Variants in PLA2G4A observed in about 807,000 individuals in gnomAD.
PLA2G4A encodes phospholipase A2 group IVA.
In PLA2G4A, 40 loss-of-function variants were observed where a neutral mutation model predicts 81.9. The ratio of observed to expected loss-of-function variants is 0.49; its 90% CI spans 0.38 to 0.64. The LOEUF (loss-of-function observed/expected upper bound fraction) is 0.64, where lower values mean the gene tolerates loss of function less well. Among genes scored for constraint, PLA2G4A ranks in the 30% least tolerant of loss-of-function variants. PLA2G4A has a pLI of 0.00. For missense variants in PLA2G4A, 715 were observed against 905.1 expected (o/e 0.79, Z 2.69); for synonymous variants, 302 against 296.9 (o/e 1.02, Z -0.18).
chr1:186,974,062 G>A (rs1302121819), intron 15 of PLA2G4A, among the ~76,000 whole-genome samples: 1 of 151,368 alleles, frequency 6.6e-6, no homozygotes, highest in Non-Finnish European at 1.5e-5. Flanking sequence ...ATATGTATGT[G>A]TGTTCGTATT....
At chr1:186,896,450 G>A (rs1262242298) in intron 5 of PLA2G4A, among the ~76,000 whole-genome samples, 1 of 152,170 alleles carries the variant, frequency 6.6e-6, no homozygotes, top group East Asian at 1.9e-4. Context: ...GAGTGTAGAG[G>A]TGGTCAAAGG....
At chr1:186,847,779 A>G (rs1652235781) in intron 1 of PLA2G4A, among the ~76,000 whole-genome samples, 1 of 151,858 alleles carries the variant, frequency 6.6e-6, no homozygotes, top group Non-Finnish European at 1.5e-5. Context: ...GGAGAGGAAT[A>G]TGCCTACTAA....
intron 6 of PLA2G4A, among the ~76,000 whole-genome samples, chr1:186,908,250 T>G (rs1273788218): frequency 4.6e-5 from 7 of 152,062 alleles, no homozygotes; most frequent in Non-Finnish European, 8.8e-5. Flanking sequence ...TTACTCAGAA[T>G]TTTTTGAATT....
chr1:186,853,443 G>T (rs1424252145), intron 1 of PLA2G4A, among the ~76,000 whole-genome samples: 1 of 151,562 alleles, frequency 6.6e-6, no homozygotes, highest in Non-Finnish European at 1.5e-5. Context: ...TAAAGTTGAT[G>T]TTTAAAAAGA....
chr1:186,911,495 A>T, intron 7 of PLA2G4A, 106 bp downstream of exon 7: 1 of 867,036 alleles, frequency 1.2e-6, no homozygotes, highest in Non-Finnish European at 2.0e-6. Context: ...ATTGAGCATT[A>T]TTCCTTTAGT....
At chr1:186,956,986 C>T (rs946490882) in intron 14 of PLA2G4A, among the ~76,000 whole-genome samples, 3 of 151,810 alleles carry the variant, frequency 2.0e-5, no homozygotes, top group Non-Finnish European at 4.4e-5. Flanking sequence ...CTCAGGAGTT[C>T]GAGACCAGCC....
chr1:186,920,279 G>A (rs541016860), intron 7 of PLA2G4A, among the ~76,000 whole-genome samples: 1 of 152,282 alleles, frequency 6.6e-6, no homozygotes, highest in South Asian at 2.1e-4. Flanking sequence ...TCTCTTCCCA[G>A]CAAGGGCAAG....
chr1:186,891,675 C>A (rs1411046817), intron 3 of PLA2G4A, among the ~76,000 whole-genome samples: 1 of 152,168 alleles, frequency 6.6e-6, no homozygotes, highest in African/African-American at 2.4e-5. Context: ...GTATATGTAA[C>A]ACATTTTATT....
intron 15 of PLA2G4A, among the ~76,000 whole-genome samples, chr1:186,967,524 C>T (rs1657173638): frequency 6.8e-6 from 1 of 146,046 alleles, no homozygotes; most frequent in South Asian, 2.1e-4. Flanking sequence ...CCTGATCTCC[C>T]ATAACATTTT....
chr1:186,872,142 C>A (rs147609244), intron 3 of PLA2G4A, among the ~76,000 whole-genome samples: 1 of 152,094 alleles, frequency 6.6e-6, no homozygotes, highest in African/African-American at 2.4e-5. Flanking sequence ...CAGATGTTTA[C>A]ATTTTAAATT....
chr1:186,855,440 C>T (rs1571336715), intron 2 of PLA2G4A, among the ~76,000 whole-genome samples: 1 of 151,948 alleles, frequency 6.6e-6, no homozygotes, highest in African/African-American at 2.4e-5. Flanking sequence ...ACATAAAGTG[C>T]ATAAATCTTA....
chr1:186,913,908 G>T (rs1347578607), intron 7 of PLA2G4A, among the ~76,000 whole-genome samples: 1 of 152,142 alleles, frequency 6.6e-6, no homozygotes, highest in Non-Finnish European at 1.5e-5. Flanking sequence ...TTAGGTGGGG[G>T]TAGGGTTCAA....
chr1:186,830,464 C>A (rs1268350605), intron 1 of PLA2G4A, among the ~76,000 whole-genome samples: 2 of 151,492 alleles, frequency 1.3e-5, no homozygotes, highest in African/African-American at 4.9e-5. Context: ...AAAAACTAGC[C>A]GGACGTGGTG....
chr1:186,964,724 T>C (rs1030633088), intron 14 of PLA2G4A, among the ~76,000 whole-genome samples: 1 of 152,214 alleles, frequency 6.6e-6, no homozygotes, highest in African/African-American at 2.4e-5. Context: ...TCTTGATACA[T>C]TTATTTACTT....
chr1:186,832,723 T>C (rs1161194605), intron 1 of PLA2G4A, among the ~76,000 whole-genome samples: 1 of 152,204 alleles, frequency 6.6e-6, no homozygotes, highest in African/African-American at 2.4e-5. Context: ...AAAAAATTTT[T>C]CTCTTTCAAT....
At chr1:186,896,258 T>G (rs2102120522) in intron 5 of PLA2G4A, among the ~76,000 whole-genome samples, 1 of 152,342 alleles carries the variant, frequency 6.6e-6, no homozygotes, top group Non-Finnish European at 1.5e-5. Context: ...TATATAAATG[T>G]TACTTGTCAT....
chr1:186,902,597 G>A (rs995925727), intron 5 of PLA2G4A, among the ~76,000 whole-genome samples: 1 of 152,074 alleles, frequency 6.6e-6, no homozygotes, highest in Non-Finnish European at 1.5e-5. Flanking sequence ...TGAGGCAACT[G>A]AAGAACGACA....
chr1:186,838,007 C>T (rs1651850682), intron 1 of PLA2G4A, among the ~76,000 whole-genome samples: 1 of 152,012 alleles, frequency 6.6e-6, no homozygotes, highest in Non-Finnish European at 1.5e-5. Context: ...GTGCTTTCTG[C>T]TTTCTCAGTG....
At chr1:186,886,498 A>G (rs1354636968) in intron 3 of PLA2G4A, among the ~76,000 whole-genome samples, 3 of 152,190 alleles carry the variant, frequency 2.0e-5, no homozygotes, top group African/African-American at 7.2e-5. Context: ...TAGCAATGTT[A>G]TTACATCATA....
Sources: gnomAD v4.1 joint callset for allele counts (sites outside exome capture counted in the v4.1 genomes callset) on GRCh38, gnomAD v4.1.1 for gene constraint, MANE v1.5 for transcripts, NCBI Gene and HGNC (gene_info 2026-07-23, HGNC 2026-07-21) for gene names.